Variants in ANKRD66 observed in about 807,000 individuals in gnomAD.
ANKRD66 encodes the protein ankyrin repeat domain-containing protein 66.
In ANKRD66, 10 loss-of-function variants were observed where a neutral mutation model predicts 10.9. The ratio of observed to expected loss-of-function variants is 0.91; its 90% CI spans 0.56 to 1.55. The LOEUF (loss-of-function observed/expected upper bound fraction) is 1.55, where lower values mean the gene tolerates loss of function less well. Ranked by LOEUF, ANKRD66 falls within the 40% of genes most tolerant of loss-of-function variation. ANKRD66 has a pLI of 0.00. For synonymous variants in ANKRD66, 85 were observed against 88.4 expected (o/e 0.96, Z 0.22); for missense variants, 252 against 242.9 (o/e 1.04, Z -0.25).
chr6:46,749,369 C>T (rs867335876), intron 1 of ANKRD66, among the ~76,000 whole-genome samples: 2 of 152,122 alleles, frequency 1.3e-5, no homozygotes, highest in African/African-American at 2.4e-5. Flanking sequence ...ACCATCTCAC[C>T]GACCAGGCCC....
At chr6:46,753,580 G>A in intron 3 of ANKRD66, 142 bp from the exon 4 acceptor site, 1 of 740,114 alleles carries the variant, frequency 1.4e-6, no homozygotes, top group South Asian at 2.0e-5. Context: ...GGAAAAGGGA[G>A]GAGGGGATGA....
Position 46,759,027 on chromosome 6 carries a change from C to A in ANKRD66, c.*106C>A. On this transcript the variant is annotated 3_prime_UTR_variant, in exon 5 of 5. Coordinates refer to ENST00000565422, the MANE Select transcript of ANKRD66 (RefSeq NM_001162435.3). ...ACTTTACTCATAGACCCTTACCCAC[C>A]TGGCTTCTGCCCATGGACCTGTCAT... is the stretch of plus-strand genomic sequence containing the variant. The A allele has an allele frequency of 8.6e-7, 1 of 1,165,676 alleles. No homozygotes were observed. The highest frequency in any genetic ancestry group is 1.2e-6 in the Non-Finnish European group (1 of 845,958). The allele number at this position is 1,165,676 out of a possible 1,614,324, so 72.2% of individuals were successfully genotyped here. A position where few individuals can be genotyped will look rare whatever the true frequency, so the allele number is the denominator to read the frequency against.
intron 3 of ANKRD66, 55 bp from the exon 4 acceptor site, chr6:46,753,667 C>T: frequency 6.8e-7 from 1 of 1,470,736 alleles, no homozygotes; most frequent in South Asian, 1.4e-5. Flanking sequence ...TGGCCTCAAG[C>T]CACTTGGGAC....
rs1766435710 is a variant in ANKRD66, at chr6:46,759,170, T to A, written c.*249T>A. On this transcript the variant is annotated 3_prime_UTR_variant, in exon 5 of 5. Coordinates refer to ENST00000565422, the MANE Select transcript of ANKRD66 (RefSeq NM_001162435.3). Reference sequence around the variant, plus strand: ...ATCAGTGGTTTGCACAGTCAGCATCTTTTGACCCCTGCCCCCCAACAATAA... The same window carrying A: ...ATCAGTGGTTTGCACAGTCAGCATCATTTGACCCCTGCCCCCCAACAATAA... 3.1e-6 allele frequency: 1 copy of A among 319,706 alleles called. No individual in the cohort carries two copies. The highest frequency in any genetic ancestry group is 1.4e-4 in the South Asian group (1 of 7,138). 19.8% of individuals were successfully genotyped at this position (319,706 alleles called of 1,614,324 possible). A position where few individuals can be genotyped will look rare whatever the true frequency, so the allele number is the denominator to read the frequency against.
chr6:46,753,999 C>G, intron 4 of ANKRD66, 49 bp downstream of exon 4: 1 of 1,467,044 alleles, frequency 6.8e-7, no homozygotes, highest in Non-Finnish European at 9.2e-7. Context: ...GAACAGGAGT[C>G]TGTGATCAAG....
chr6:46,757,929 C>G (rs188690317), intron 4 of ANKRD66: 4 of 152,312 alleles, frequency 2.6e-5, no homozygotes, highest in African/African-American at 9.6e-5. Flanking sequence ...AGTGACTAGG[C>G]AGAGGAAAGA....
In ANKRD66 at chr6:46,758,712, T is replaced by C. The variant is rs1766426312; in HGVS notation, c.393-11T>C. Reference sequence around the variant, plus strand: ...TGATCCAAGTTCAGAAGGCTCTCTCTTCTTTCCTAGGGCAGAGCCCGAGTG... The same window carrying C: ...TGATCCAAGTTCAGAAGGCTCTCTCCTCTTTCCTAGGGCAGAGCCCGAGTG... On this transcript the variant is annotated splice_polypyrimidine_tract_variant and intron_variant, in intron 4 of 4. Transcript: ENST00000565422. The C allele has an allele frequency of 6.5e-7, 1 of 1,536,598 alleles. No homozygotes were observed. Among genetic ancestry groups the C allele is most frequent in the African/African-American group, 1.4e-5 (1 of 71,936 alleles).
chr6:46,757,724 A>C (rs1283869136), intron 4 of ANKRD66: 1 of 152,262 alleles, frequency 6.6e-6, no homozygotes, highest in African/African-American at 2.4e-5. Flanking sequence ...GAAACAATTC[A>C]GCTTTTGATT....
intron 4 of ANKRD66, among the ~76,000 whole-genome samples, chr6:46,755,294 G>T (rs1766361749): frequency 6.6e-6 from 1 of 152,092 alleles, no homozygotes; most frequent in Admixed American, 6.6e-5. Flanking sequence ...CAATATATGG[G>T]TATCCTAGCA....
intron 4 of ANKRD66, 183 bp from the exon 5 acceptor site, chr6:46,758,540 C>G (rs1236699780): frequency 2.1e-6 from 1 of 470,604 alleles, no homozygotes; most frequent in Non-Finnish European, 3.6e-6. Context: ...AATTTTTCTC[C>G]ACCTCCAAGT....
In ANKRD66 at chr6:46,749,554, C is replaced by A. The variant is rs1247682908; in HGVS notation, c.-96-342C>A. On this transcript the variant is annotated intron_variant, in intron 1 of 4. Coordinates refer to ENST00000565422, the MANE Select transcript of ANKRD66 (RefSeq NM_001162435.3). ...TAATTTTTTTTTCTCTTTTATTCCC[C>A]CCCCCCCCCCCCCGCTTTTTTCTTT... Among the ~76,000 whole-genome samples, 9 of 83,250 alleles carry A rather than the reference C, an allele frequency of 1.1e-4. 2 individuals are homozygous for A. In the Admixed American group the frequency reaches 1.3e-3, roughly 12 times the overall value. 54.6% of individuals were successfully genotyped at this position (83,250 alleles called of 152,430 possible).
At chr6:46,748,741 C>T (rs1163985383) in intron 1 of ANKRD66, among the ~76,000 whole-genome samples, 2 of 152,178 alleles carry the variant, frequency 1.3e-5, no homozygotes, top group Admixed American at 1.3e-4. Context: ...TGCTGATTCT[C>T]ATGTATCCCC....
chr6:46,750,684 G>GTA (rs1371193796), intron 2 of ANKRD66, among the ~76,000 whole-genome samples: 1 of 147,720 alleles, frequency 6.8e-6, no homozygotes, highest in Non-Finnish European at 1.5e-5. Context: ...ATATACACAT[G>GTA]TATATTATAT....
rs527858526 is a variant in ANKRD66, at chr6:46,753,868, G to A, written c.310G>A (p.Asp104Asn). 9.7e-6 allele frequency: 15 copies of A among 1,551,670 alleles called. No individual in the cohort carries two copies. Among genetic ancestry groups the A allele is most frequent in the Admixed American group, 2.0e-5 (1 of 51,004 alleles). Residue 104 changes from aspartate to asparagine, a missense_variant, in exon 4 of 5, where the codon GAC (aspartate) becomes AAC (asparagine). Physicochemically the swap from Asp to Asn is conservative, Grantham distance 23. Coordinates refer to ENST00000565422, the MANE Select transcript of ANKRD66 (RefSeq NM_001162435.3). ...KTLHALHAAI[D>N]APDFFGDTPK... ...TCTCCATGCATTGCACGCTGCCATC[G>A]ACGCCCCTGACTTCTTTGGAGACAC...
In ANKRD66 at chr6:46,749,552, C is replaced by CCCA. The variant is rs1451650760; in HGVS notation, c.-96-342_-96-341insACC. Among the ~76,000 whole-genome samples, 25 of 22,304 alleles carry CCCA rather than the reference C, an allele frequency of 1.1e-3. 1 individual carries two copies. Among genetic ancestry groups the CCCA allele is most frequent in the South Asian group, 5.0e-3 (1 of 202 alleles). 14.6% of individuals were successfully genotyped at this position (22,304 alleles called of 152,430 possible). On this transcript the variant is annotated intron_variant, in intron 1 of 4. Coordinates refer to ENST00000565422, the MANE Select transcript of ANKRD66 (RefSeq NM_001162435.3). ...CATAATTTTTTTTTCTCTTTTATTC[C>CCCA]CCCCCCCCCCCCCCCGCTTTTTTCT... is the stretch of plus-strand genomic sequence containing the variant.
At chr6:46,749,032 T>C (rs977794567) in intron 1 of ANKRD66, among the ~76,000 whole-genome samples, 5 of 152,226 alleles carry the variant, frequency 3.3e-5, no homozygotes, top group Admixed American at 1.3e-4. Context: ...CCCACTTTCG[T>C]AGGCCCGTGG....
chr6:46,751,988 C>T lies in ANKRD66; in HGVS notation c.40C>T (p.Gln14Ter), dbSNP rs776083250. The T allele has an allele frequency of 3.5e-5, 53 of 1,503,782 alleles. No individual in the cohort carries two copies. In the South Asian group the frequency reaches 6.8e-4, roughly 19 times the overall value. 93.2% of individuals were successfully genotyped at this position (1,503,782 alleles called of 1,614,324 possible). The change falls in exon 3 of 5, where the codon CAA becomes TAA. Residue 14 changes from glutamine to a stop codon, truncating the protein, a stop_gained. Coordinates refer to ENST00000565422, the MANE Select transcript of ANKRD66 (RefSeq NM_001162435.3). LOFTEE classifies it high-confidence loss of function. ...AATGTCAGACATGACAAAGCTTCAC[C>T]AAGCTGTGGCTGCAGGAGACTACAG... ...AKMSDMTKLHQAVAAGDYSLV... is the reference protein window; with the variant it reads ...AKMSDMTKLH
chr6:46,754,595 A>G (rs1339398724), intron 4 of ANKRD66, among the ~76,000 whole-genome samples: 1 of 152,186 alleles, frequency 6.6e-6, no homozygotes, highest in Non-Finnish European at 1.5e-5. Context: ...AAAGTAGAGT[A>G]TTGGAGTGAG....
intron 1 of ANKRD66, among the ~76,000 whole-genome samples, chr6:46,749,099 G>T (rs923808386): frequency 6.6e-6 from 1 of 152,212 alleles, no homozygotes; most frequent in African/African-American, 2.4e-5. Flanking sequence ...CCCAGAGCAA[G>T]CCCAGGCAAT....
Sources: allele counts gnomAD v4.1 joint callset (sites outside exome capture counted in the v4.1 genomes callset), GRCh38; gene constraint gnomAD v4.1.1; transcripts MANE v1.5; gene names NCBI Gene and HGNC (gene_info 2026-07-23, HGNC 2026-07-21).